ZAN: variants seen among roughly 807,000 people sequenced by gnomAD.
The protein encoded by ZAN is zonadhesin (gene/pseudogene).
Under a neutral mutation model 286.2 loss-of-function variants are expected in ZAN, and 260 were observed. The ratio of observed to expected loss-of-function variants is 0.91; its 90% confidence interval spans 0.82 to 1.01. The LOEUF is 1.01. ZAN is among the 50% of genes least tolerant of loss of function. ZAN has a pLI of 0.00. For missense variants in ZAN, 3,410 were observed against 3,639.2 expected (o/e 0.94, Z 1.62); for synonymous variants, 1,368 against 1,417.5 (o/e 0.97, Z 0.79).
chr7:100,736,743 G>C (rs746845198), intron 4 of ZAN, 66 bp from the exon 5 acceptor site: 1 of 1,457,054 alleles, frequency 6.9e-7, no homozygotes, highest in Non-Finnish European at 9.3e-7. Context: ...GCTCTGAGAA[G>C]GGGATGGGTG....
chr7:100,762,571 A>G (rs1266747579), intron 20 of ZAN, among the ~76,000 whole-genome samples: 7 of 151,492 alleles, frequency 4.6e-5, no homozygotes, highest in Non-Finnish European at 8.8e-5. Flanking sequence ...GATTACAGGC[A>G]CCTGCCACCA....
chr7:100,747,704 T>A lies in ZAN; in HGVS notation c.1023+63T>A, dbSNP rs373021567. ...AGGCACACCCAATGTTGAAATAAAT[T>A]GAGGGGCCTGGTGCTGTGGCTCATG... On this transcript the variant is annotated intron_variant, in intron 9 of 47. Transcript: ENST00000613979. 2.2e-5 allele frequency: 33 copies of A among 1,478,024 alleles called. No homozygotes were observed. The African/African-American group carries it at 3.2e-4, about 14-fold the overall frequency. 91.6% of individuals were successfully genotyped at this position (1,478,024 alleles called of 1,614,324 possible). A position where few individuals can be genotyped will look rare whatever the true frequency, so the allele number is the denominator to read the frequency against.
chr7:100,786,098 C>T lies in ZAN; in HGVS notation c.6936C>T (p.Cys2312=), dbSNP rs1341211386. The T allele has an allele frequency of 2.5e-6, 4 of 1,613,858 alleles. No individual in the cohort carries two copies. Among genetic ancestry groups the T allele is most frequent in the African/African-American group, 1.3e-5 (1 of 74,952 alleles). Residue 2312 remains cysteine, a synonymous_variant, in exon 37 of 48, where the codon TGC becomes TGT. Transcript: ENST00000613979. ...TCCGATGCCCCTCTGGGTCCCACTG[C>T]CAGCTCACTTCCGACAACAGCAACA... is the stretch of plus-strand genomic sequence containing the variant. ...GDFRCPSGSH[C]QLTSDNSNSN...
intron 8 of ZAN, among the ~76,000 whole-genome samples, chr7:100,747,136 T>C (rs1056079334): frequency 4.6e-5 from 7 of 151,586 alleles, no homozygotes; most frequent in Non-Finnish European, 8.8e-5. Flanking sequence ...CTTGTAATCC[T>C]AGCACGTTGG....
chr7:100,749,651 A>AATATATAT (rs1247548413), intron 11 of ZAN, among the ~76,000 whole-genome samples: 1 of 109,440 alleles, frequency 9.1e-6, no homozygotes, highest in African/African-American at 3.6e-5. Context: ...AAAAAAAAAA[A>AATATATAT]ATATATATAT....
intron 28 of ZAN, 29 bp downstream of exon 28, chr7:100,770,003 C>T: frequency 6.5e-7 from 1 of 1,547,110 alleles, no homozygotes; most frequent in Non-Finnish European, 8.7e-7. Flanking sequence ...GGCCCTTTTT[C>T]CTCCCTGAAG....
chr7:100,761,365 C>T (rs984328382), intron 19 of ZAN, among the ~76,000 whole-genome samples: 2 of 151,892 alleles, frequency 1.3e-5, no homozygotes, highest in Non-Finnish European at 2.9e-5. Context: ...ATTAGCCAGG[C>T]GTAGTGGCCT....
rs539457586 is a variant in ZAN, at chr7:100,779,594, C to T, written c.6466C>T (p.Arg2156Cys). The T allele has an allele frequency of 4.8e-5, 77 of 1,608,756 alleles. No individual in the cohort carries two copies. Among genetic ancestry groups the T allele is most frequent in the Middle Eastern group, 3.3e-4 (2 of 6,062 alleles). The stretch of plus-strand genomic sequence containing the variant: ...TCCTGTGTGGGCCCAGTGCGCCTCC[C>T]GCATAGACCTCACGCCCTTCCTGGT... ...RAPVWAQCAS[R>C]IDLTPFLVDC... The change falls in exon 35 of 48, where the codon CGC becomes TGC. Residue 2156 changes from arginine to cysteine, a missense_variant. Arg to Cys is a radical substitution (Grantham distance 180, BLOSUM62 -3). This residue lies in a region of ZAN where 1,289 missense variants were observed against 1,314.3 expected (regional missense o/e 0.98). Coordinates refer to ENST00000613979, the MANE Select transcript of ZAN (RefSeq NM_003386.3).
At chr7:100,772,097 C>CTTTT in intron 29 of ZAN, 77 bp downstream of exon 29, 4 of 1,227,736 alleles carry the variant, frequency 3.3e-6, no homozygotes, top group African/African-American at 1.6e-5. Flanking sequence ...CCTCTAAATT[C>CTTTT]TTTTTTTTTT....
At chr7:100,758,696 G>T (rs1439644035) in intron 17 of ZAN, 46 bp downstream of exon 17, 1 of 1,543,290 alleles carries the variant, frequency 6.5e-7, no homozygotes. Flanking sequence ...GGGTCTGTGG[G>T]CAGCGCTGCT....
At chr7:100,781,203 G>A (rs1424970116) in intron 35 of ZAN, among the ~76,000 whole-genome samples, 1 of 151,980 alleles carries the variant, frequency 6.6e-6, no homozygotes, top group Admixed American at 6.6e-5. Context: ...AAGTAGCTGG[G>A]ACTGCAGGCA....
chr7:100,746,622 G>C lies in ZAN; in HGVS notation c.851G>C (p.Gly284Ala), dbSNP rs769839827. 12 of 1,613,984 alleles carry C rather than the reference G, an allele frequency of 7.4e-6. No individual in the cohort carries two copies. In the South Asian group the frequency reaches 1.3e-4, roughly 18 times the overall value. Reference protein sequence around the residue: ...VLLSPVSLSSGCLSFSFHYIL... With the variant: ...VLLSPVSLSSACLSFSFHYIL... ...CTGAGCCCCGTGAGCCTGTCCTCTG[G>C]CTGTCTGAGCTTTTCCTTCCACTAC... The change falls in exon 8 of 48, where the codon GGC becomes GCC. Residue 284 changes from glycine (G) to alanine (A), a missense_variant. Coordinates refer to ENST00000613979, the MANE Select transcript of ZAN (RefSeq NM_003386.3).
Position 100,776,478 on chromosome 7 carries a change from G to A in ZAN, c.6231G>A (p.Glu2077=). ...GMCGNFNDEE[E]DELMMPSDEV... ...GTGGGAACTTCAATGATGAGGAAGA[G>A]GACGAACTAATGATGCCCAGCGATG... Residue 2077 remains glutamate, a synonymous_variant, in exon 34 of 48, where the codon GAG becomes GAA. Transcript: ENST00000613979. 6.2e-7 allele frequency: 1 copy of A among 1,602,794 alleles called. No individual in the cohort carries two copies. The highest frequency in any genetic ancestry group is 8.5e-7 in the Non-Finnish European group (1 of 1,174,658).
At position 100,748,490 on chromosome 7, in the gene ZAN, C is replaced by T. The variant is rs571915618; in HGVS notation, c.1249+20C>T. On this transcript the variant is annotated intron_variant, in intron 11 of 47. Transcript: ENST00000613979. ...ATGCAGGTGAGGAGATTGAGGAGCG[C>T]TCACGCCAAGAAATCACTCAGTCTG... is the stretch of plus-strand genomic sequence containing the variant. 6.3e-7 allele frequency: 1 copy of T among 1,597,960 alleles called. No homozygotes were observed. The highest frequency in any genetic ancestry group is 1.1e-5 in the South Asian group (1 of 88,838).
At chr7:100,746,914 A>C (rs1808262967) in intron 8 of ZAN, among the ~76,000 whole-genome samples, 1 of 152,124 alleles carries the variant, frequency 6.6e-6, no homozygotes, top group Admixed American at 6.6e-5. Flanking sequence ...ATCCTGGCTA[A>C]CATGGTGAAA....
rs1811069155 is a variant in ZAN at position 100,779,668 on chromosome 7, C to T, written c.6540C>T (p.Leu2180=). ...LCEFGGLYQA[L]CQALQAFGAT... ...AGTTCGGAGGTCTCTACCAGGCCCTCTGCCAGGCTCTGCAAGCCTTCGGGG... is the reference window on the plus strand; with the variant it reads ...AGTTCGGAGGTCTCTACCAGGCCCTTTGCCAGGCTCTGCAAGCCTTCGGGG... Residue 2180 remains leucine, a synonymous_variant, in exon 35 of 48, where the codon CTC becomes CTT. Coordinates refer to ENST00000613979, the MANE Select transcript of ZAN (RefSeq NM_003386.3). 2 of 1,570,628 alleles carry T rather than the reference C, an allele frequency of 1.3e-6. No individual in the cohort carries two copies. The highest frequency in any genetic ancestry group is 1.4e-5 in the African/African-American group (1 of 73,774).
intron 11 of ZAN, 34 bp downstream of exon 11, chr7:100,748,504 T>C (rs1348702561): frequency 1.3e-6 from 2 of 1,582,802 alleles, no homozygotes; most frequent in Non-Finnish European, 1.7e-6. Flanking sequence ...CGCCAAGAAA[T>C]CACTCAGTCT....
At chr7:100,739,653 C>T (rs1187627374) in intron 7 of ZAN, among the ~76,000 whole-genome samples, 3 of 129,912 alleles carry the variant, frequency 2.3e-5, no homozygotes, top group African/African-American at 8.4e-5. Context: ...CGTGAGTTAT[C>T]AATTATTTAT....
intron 28 of ZAN, among the ~76,000 whole-genome samples, chr7:100,770,632 G>A (rs1810310124): frequency 6.6e-6 from 1 of 151,564 alleles, no homozygotes. Flanking sequence ...ACAGGCATAA[G>A]CCACCACGCC....
Sources: gnomAD v4.1 joint callset for allele counts (sites outside exome capture counted in the v4.1 genomes callset) on GRCh38, gnomAD v4.1.1 for gene constraint, gnomAD v4.1.1 regional missense constraint, MANE v1.5 for transcripts, NCBI Gene and HGNC (gene_info 2026-07-23, HGNC 2026-07-21) for gene names.